Variants in PSG6 observed in about 807,000 individuals in gnomAD.
PSG6 encodes the protein pregnancy-specific beta-1-glycoprotein 6.
A neutral mutation model predicts 43.3 loss-of-function variants in PSG6; 51 were observed. That is an observed-to-expected ratio of 1.18 (90% CI 0.94 to 1.49). The LOEUF (loss-of-function observed/expected upper bound fraction) is 1.49, where lower values mean the gene tolerates loss of function less well. Ranked by LOEUF, PSG6 falls within the 40% of genes most tolerant of loss-of-function variation. The pLI is 0.00. For missense variants in PSG6, 770 were observed against 522.2 expected (o/e 1.47, Z -4.62); for synonymous variants, 292 against 197.6 (o/e 1.48, Z -4.01).
In PSG6 at chr19:42,906,843, A is replaced by C. The variant is rs1416649195; in HGVS notation, c.1240+79T>G. 9 of 1,609,258 alleles carry C rather than the reference A, an allele frequency of 5.6e-6. 1 individual carries two copies. Among genetic ancestry groups the C allele is most frequent in the Non-Finnish European group, 7.6e-6 (9 of 1,177,514 alleles). On this transcript the variant is annotated intron_variant, in intron 5 of 5. Transcript: ENST00000187910. The stretch of plus-strand genomic sequence containing the variant: ...CATGGGACACAGTCTGGGAATACAA[A>C]TGTTTTCCTGACTCTTCTCTGAAAG...
intron 4 of PSG6, 144 bp downstream of exon 4, chr19:42,907,432 C>T: frequency 1.3e-6 from 2 of 1,503,828 alleles, no homozygotes; most frequent in Non-Finnish European, 1.8e-6. Flanking sequence ...CCCAGGATTT[C>T]CCAGGGCAGG....
chr19:42,904,167 A>G (rs903965568), intron 5 of PSG6, among the ~76,000 whole-genome samples: 3 of 151,694 alleles, frequency 2.0e-5, no homozygotes, highest in African/African-American at 7.3e-5. Flanking sequence ...CATAAAGGCA[A>G]TATGTGAAAA....
chr19:42,916,810 G>A (rs1308045851), intron 1 of PSG6, among the ~76,000 whole-genome samples: 1 of 151,268 alleles, frequency 6.6e-6, no homozygotes, highest in African/African-American at 2.4e-5. Context: ...CTCACATCAG[G>A]GCATCCTTAG....
In PSG6 at chr19:42,907,846, G is replaced by A. The variant is rs1438946772; in HGVS notation, c.715C>T (p.Pro239Ser). The A allele has an allele frequency of 6.2e-7, 1 of 1,611,230 alleles. No individual in the cohort carries two copies. The highest frequency in any genetic ancestry group is 8.5e-7 in the Non-Finnish European group (1 of 1,178,996). Residue 239 changes from proline to serine, a missense_variant, in exon 4 of 6, where the codon CCC (proline) becomes TCC (serine). Pro to Ser is a moderately conservative substitution (Grantham distance 74). Transcript: ENST00000187910. ...PVTLNLLPKLPMPYITINNLN... is the reference protein window; with the variant it reads ...PVTLNLLPKLSMPYITINNLN... ...TTGTTGATGGTGATGTAAGGCATGGGCAGCTTCGCTGTGTGGATAACAGAA... is the reference window on the plus strand; with the variant it reads ...TTGTTGATGGTGATGTAAGGCATGGACAGCTTCGCTGTGTGGATAACAGAA...
At chr19:42,908,742 G>T (rs570923185) in intron 3 of PSG6, among the ~76,000 whole-genome samples, 1 of 151,912 alleles carries the variant, frequency 6.6e-6, no homozygotes, top group Admixed American at 6.6e-5. Context: ...ATGTGTGTTT[G>T]ATGGATATGA....
At chr19:42,911,132 C>A (rs932736162) in intron 2 of PSG6, among the ~76,000 whole-genome samples, 2 of 151,560 alleles carry the variant, frequency 1.3e-5, no homozygotes, top group African/African-American at 4.8e-5. Flanking sequence ...GCAGTCACAG[C>A]CCCTGGTGCC....
intron 5 of PSG6, among the ~76,000 whole-genome samples, chr19:42,905,196 T>G (rs932360827): frequency 6.6e-6 from 1 of 151,740 alleles, no homozygotes; most frequent in Non-Finnish European, 1.5e-5. Context: ...AACTTCATGA[T>G]AGTGGATTTC....
rs140517152 is a variant in PSG6 at position 42,916,563 on chromosome 19, G to C, written c.65-76C>G. ...GAAAAGATGGGGCCCTGTGTCCTGA[G>C]AAGGTCTCTTCAATCATCAGCCTTG... On this transcript the variant is annotated intron_variant, in intron 1 of 5. Coordinates refer to ENST00000187910, the MANE Select transcript of PSG6 (RefSeq NM_001031850.4). 83 of 1,526,622 alleles carry C rather than the reference G, an allele frequency of 5.4e-5. 1 individual carries two copies. In the African/African-American group the frequency reaches 1.1e-3, roughly 20 times the overall value. 94.6% of individuals were successfully genotyped at this position (1,526,622 alleles called of 1,614,324 possible).
intron 2 of PSG6, chr19:42,915,724 CA>C: frequency 3.4e-6 from 1 of 294,462 alleles, no homozygotes. Context: ...GATTTAGGGA[CA>C]GGGGTCTGGG....
At position 42,907,158 on chromosome 19, in the gene PSG6, C is replaced by T. The variant is rs267605521; in HGVS notation, c.1004G>A (p.Arg335Lys). The T allele has an allele frequency of 4.3e-6, 7 of 1,612,316 alleles. No individual in the cohort carries two copies. Among genetic ancestry groups the T allele is most frequent in the Non-Finnish European group, 5.9e-6 (7 of 1,179,120 alleles). ...LNVLYGPDLP[R>K]IYPSFTYYRS... The stretch of plus-strand genomic sequence containing the variant: ...GTAATAGGTGAATGAAGGGTAAATT[C>T]TGGGGAGGTCTGGACCATCTGGAGG... Residue 335 changes from arginine to lysine, a missense_variant, in exon 5 of 6, where the codon AGA (arginine) becomes AAA (lysine). Coordinates refer to ENST00000187910, the MANE Select transcript of PSG6 (RefSeq NM_001031850.4).
At chr19:42,910,476 T>C (rs780085356) in intron 3 of PSG6, 104 bp downstream of exon 3, 2 of 1,611,288 alleles carry the variant, frequency 1.2e-6, no homozygotes, top group East Asian at 2.2e-5. Context: ...TGTTCAGGGA[T>C]AAAGGTCTCT....
At chr19:42,910,427 T>A in intron 3 of PSG6, 153 bp downstream of exon 3, 2 of 1,582,860 alleles carry the variant, frequency 1.3e-6, no homozygotes, top group Non-Finnish European at 1.7e-6. Flanking sequence ...CTAGGCCTAC[T>A]CTGGTTTGCC....
chr19:42,906,827 C>A, intron 5 of PSG6, 95 bp downstream of exon 5: 1 of 1,607,334 alleles, frequency 6.2e-7, no homozygotes. Context: ...CCATGGGACA[C>A]AGTCTGGGAA....
rs144117726 is a variant in PSG6 at position 42,907,609 on chromosome 19, T to C, written c.952A>G (p.Ile318Val). 6.2e-7 allele frequency: 1 copy of C among 1,610,480 alleles called. No homozygotes were observed. Among genetic ancestry groups the C allele is most frequent in the African/African-American group, 1.3e-5 (1 of 74,766 alleles). ...TTCAGGGTGACTGGGTTACTGCGGA[T>C]GCCACCATATCGGTCCCGTATTTCA... Reference protein sequence around the residue: ...QCEIRDRYGGIRSNPVTLNVL... With the variant: ...QCEIRDRYGGVRSNPVTLNVL... The change falls in exon 4 of 6, where the codon ATC (isoleucine) becomes GTC (valine). Residue 318 changes from isoleucine to valine, a missense_variant. Ile to Val is a conservative substitution (Grantham distance 29, BLOSUM62 3). Coordinates refer to ENST00000187910, the MANE Select transcript of PSG6 (RefSeq NM_001031850.4).
chr19:42,913,383 C>T (rs1188885659), intron 2 of PSG6, among the ~76,000 whole-genome samples: 5 of 151,818 alleles, frequency 3.3e-5, no homozygotes, highest in Non-Finnish European at 5.9e-5. Context: ...ATCTCCTGAC[C>T]TTGTGCCCGC....
chr19:42,907,683 A>G lies in PSG6; in HGVS notation c.878T>C (p.Ile293Thr), dbSNP rs1972142386. ...PRVKRPIENR[I>T]LILPSVTRNE... ...TCTCGTGACACTGGGTAGAATGAGT[A>G]TCCTGTTTTCAATGGGTCGCTTTAC... Residue 293 changes from isoleucine to threonine, a missense_variant, in exon 4 of 6, where the codon ATA becomes ACA. By Grantham distance (89) the Ile-to-Thr change is moderately conservative. Coordinates refer to ENST00000187910, the MANE Select transcript of PSG6 (RefSeq NM_001031850.4). The G allele has an allele frequency of 6.2e-7, 1 of 1,610,978 alleles. No individual in the cohort carries two copies. Among genetic ancestry groups the G allele is most frequent in the Non-Finnish European group, 8.5e-7 (1 of 1,179,110 alleles).
chr19:42,907,519 C>A (rs1189552740), intron 4 of PSG6, 57 bp downstream of exon 4: 2 of 1,603,088 alleles, frequency 1.2e-6, no homozygotes, highest in Non-Finnish European at 1.7e-6. Flanking sequence ...GGCCTGGCCT[C>A]TGGTCGTTTG....
Position 42,910,741 on chromosome 19 carries a change from T to G in PSG6, c.545A>C (p.Asn182Thr). Residue 182 changes from asparagine to threonine, a missense_variant, in exon 3 of 6, where the codon AAT becomes ACT. Coordinates refer to ENST00000187910, the MANE Select transcript of PSG6 (RefSeq NM_001031850.4). ...TPDASYLWLL[N>T]GQNLPMTHRL... is the part of the protein sequence containing the mutation. ...GTGAGTCATAGGGAGGTTCTGACCA[T>G]TCAGCAACCACAGGTAGCTTGCATC... The G allele has an allele frequency of 6.2e-7, 1 of 1,612,356 alleles. No homozygotes were observed. Among genetic ancestry groups the G allele is most frequent in the Non-Finnish European group, 8.5e-7 (1 of 1,179,252 alleles).
At chr19:42,911,091 C>G (rs555620796) in intron 2 of PSG6, among the ~76,000 whole-genome samples, 3 of 151,682 alleles carry the variant, frequency 2.0e-5, no homozygotes, top group African/African-American at 7.2e-5. Context: ...AATTGAGCAG[C>G]AGCATTGGGT....
Sources: gnomAD v4.1 joint callset for allele counts (sites outside exome capture counted in the v4.1 genomes callset) on GRCh38, gnomAD v4.1.1 for gene constraint, MANE v1.5 for transcripts, NCBI Gene and HGNC (gene_info 2026-07-23, HGNC 2026-07-21) for gene names.